The following KCTD7 variants were observed in gnomAD, a reference collection of about 807,000 sequenced individuals.
KCTD7 encodes the protein BTB/POZ domain-containing protein KCTD7.
A neutral mutation model predicts 27.0 loss-of-function variants in KCTD7; 15 were observed. The observed-to-expected ratio is 0.56, with a 90% CI of 0.37 to 0.86. The LOEUF (loss-of-function observed/expected upper bound fraction) is 0.86, where lower values mean the gene tolerates loss of function less well. Ranked by LOEUF, KCTD7 falls within the 40% of genes least tolerant of loss-of-function variation. KCTD7 has a pLI of 0.00. For missense variants in KCTD7, 299 were observed against 398.9 expected, an observed-to-expected ratio of 0.75 and a Z score of 2.13; for synonymous variants, 159 against 162.7, an observed-to-expected ratio of 0.98 and a Z score of 0.17.
At chr7:66,632,303 C>T (rs561730477) in intron 1 of KCTD7, among the ~76,000 whole-genome samples, 4 of 151,870 alleles carry the variant, frequency 2.6e-5, no homozygotes, top group Middle Eastern at 3.4e-3. Context: ...CTGGCTAACA[C>T]GGTGAAACCC....
At position 66,640,104 on chromosome 7, in the gene KCTD7, CT is replaced by C; in HGVS notation, c.*873del. The C allele has an allele frequency of 7.6e-7, 1 of 1,321,284 alleles. No homozygotes were observed. The highest frequency in any genetic ancestry group is 9.6e-7 in the Non-Finnish European group (1 of 1,041,708). 81.8% of individuals were successfully genotyped at this position (1,321,284 alleles called of 1,614,324 possible). A position where few individuals can be genotyped will look rare whatever the true frequency, so the allele number is the denominator to read the frequency against. ...GAGGCTCAGAACACCTCCTTGGCTGCTATCTCATGTGTTAGAATCCAGTTTG... is the reference window on the plus strand; with the variant it reads ...GAGGCTCAGAACACCTCCTTGGCTGCATCTCATGTGTTAGAATCCAGTTTG... On this transcript the variant is annotated 3_prime_UTR_variant, in exon 4 of 4. Transcript: ENST00000639828.
chr7:66,631,113 C>CAGG (rs1786431943), intron 1 of KCTD7, among the ~76,000 whole-genome samples: 1 of 152,142 alleles, frequency 6.6e-6, no homozygotes, highest in Admixed American at 6.5e-5. Flanking sequence ...AACTACCTGT[C>CAGG]TATTTCTTTC....
intron 1 of KCTD7, 140 bp downstream of exon 1, chr7:66,629,348 C>G: frequency 1.8e-6 from 1 of 567,588 alleles, no homozygotes; most frequent in Non-Finnish European, 2.5e-6. Flanking sequence ...CCCCCGCCCA[C>G]CTGCAACTCC....
At chr7:66,630,247 T>C (rs916929658) in intron 1 of KCTD7, among the ~76,000 whole-genome samples, 1 of 151,958 alleles carries the variant, frequency 6.6e-6, no homozygotes, top group Non-Finnish European at 1.5e-5. Context: ...AGCCTGGGTG[T>C]GATAGAGTAA....
rs751859536 is a variant in KCTD7 at position 66,639,965 on chromosome 7, A to G, written c.*733A>G. ...CACCACCTTCCTTGCTTGCAGGGTT[A>G]TCTTCTCACAGGGCTGGAATGCAAA... On this transcript the variant is annotated 3_prime_UTR_variant, in exon 4 of 4. Coordinates refer to ENST00000639828, the MANE Select transcript of KCTD7 (RefSeq NM_153033.5). 3 of 1,250,566 alleles carry G rather than the reference A, an allele frequency of 2.4e-6. No individual in the cohort carries two copies. The highest frequency in any genetic ancestry group is 3.0e-6 in the Non-Finnish European group (3 of 999,886). 77.5% of individuals were successfully genotyped at this position (1,250,566 alleles called of 1,614,324 possible).
At position 66,639,632 on chromosome 7, in the gene KCTD7, A is replaced by G. The variant is rs1408631907; in HGVS notation, c.*400A>G. On this transcript the variant is annotated 3_prime_UTR_variant, in exon 4 of 4. Transcript: ENST00000639828. ...CTAATCACTTCCTCAACCCTGTTCA[A>G]GCGTCCCTCCCTTGTGCTCAGTATA... is the stretch of plus-strand genomic sequence containing the variant. The G allele has an allele frequency of 7.5e-7, 1 of 1,339,696 alleles. No homozygotes were observed. The allele number at this position is 1,339,696 out of a possible 1,614,324, so 83.0% of individuals were successfully genotyped here. A position where few individuals can be genotyped will look rare whatever the true frequency, so the allele number is the denominator to read the frequency against.
intron 2 of KCTD7, among the ~76,000 whole-genome samples, chr7:66,634,220 A>G (rs1007465778): frequency 6.7e-6 from 1 of 149,640 alleles, no homozygotes; most frequent in Non-Finnish European, 1.5e-5. Flanking sequence ...CTATCTATCT[A>G]TCTATCTATA....
Position 66,642,257 on chromosome 7 carries a change from A to G in KCTD7, c.*3025A>G. ...AATGGAAGGAATCATCACCTTCCTT[A>G]TTTTACCTCTGCCTTGTTCACCAGG... On this transcript the variant is annotated 3_prime_UTR_variant, in exon 4 of 4. Transcript: ENST00000639828. 1.0e-6 allele frequency: 1 copy of G among 985,378 alleles called. No individual in the cohort carries two copies. Among genetic ancestry groups the G allele is most frequent in the Non-Finnish European group, 1.2e-6 (1 of 829,880 alleles). 61.0% of individuals were successfully genotyped at this position (985,378 alleles called of 1,614,324 possible).
At position 66,639,063 on chromosome 7, in the gene KCTD7, C is replaced by T; in HGVS notation, c.701C>T (p.Pro234Leu). The part of the protein sequence containing the change: ...HHCEVDVSFG[P>L]WEAVADVYDL... Reference sequence around the variant, plus strand: ...TGTGAAGTGGATGTGTCTTTTGGGCCCTGGGAGGCTGTGGCTGATGTTTAT... The same window carrying T: ...TGTGAAGTGGATGTGTCTTTTGGGCTCTGGGAGGCTGTGGCTGATGTTTAT... Residue 234 changes from proline (P) to leucine (L), a missense_variant, in exon 4 of 4, where the codon CCC becomes CTC. Coordinates refer to ENST00000639828, the MANE Select transcript of KCTD7 (RefSeq NM_153033.5). The T allele has an allele frequency of 6.2e-7, 1 of 1,614,036 alleles. No individual in the cohort carries two copies. The highest frequency in any genetic ancestry group is 8.5e-7 in the Non-Finnish European group (1 of 1,179,996).
chr7:66,639,769 A>G lies in KCTD7; in HGVS notation c.*537A>G. On this transcript the variant is annotated 3_prime_UTR_variant, in exon 4 of 4. Transcript: ENST00000639828. ...CCACTGCACCCCTTCTCCTCCAAGA[A>G]TAGTTGCCCACATTCCCAAAATGTG... 8.0e-7 allele frequency: 1 copy of G among 1,250,754 alleles called. No individual in the cohort carries two copies. The highest frequency in any genetic ancestry group is 1.0e-6 in the Non-Finnish European group (1 of 998,762). The allele number at this position is 1,250,754 out of a possible 1,614,324, so 77.5% of individuals were successfully genotyped here.
rs961998899 is a variant in KCTD7 at position 66,639,799 on chromosome 7, G to C, written c.*567G>C. 8.0e-7 allele frequency: 1 copy of C among 1,250,082 alleles called. No homozygotes were observed. Among genetic ancestry groups the C allele is most frequent in the East Asian group, 3.0e-5 (1 of 33,028 alleles). The allele number at this position is 1,250,082 out of a possible 1,614,324, so 77.4% of individuals were successfully genotyped here. On this transcript the variant is annotated 3_prime_UTR_variant, in exon 4 of 4. Transcript: ENST00000639828. ...TGCCCACATTCCCAAAATGTGGAAAGACTTTTCTTTTCCTTCCGGAACATG... is the reference window on the plus strand; with the variant it reads ...TGCCCACATTCCCAAAATGTGGAAACACTTTTCTTTTCCTTCCGGAACATG...
At chr7:66,629,270 G>C (rs1167406451) in intron 1 of KCTD7, 62 bp downstream of exon 1, 1 of 1,151,500 alleles carries the variant, frequency 8.7e-7, no homozygotes, top group Non-Finnish European at 1.1e-6. Flanking sequence ...AGCGGGCGCG[G>C]GGCATAGCGG....
rs867326497 is a variant in KCTD7 at position 66,642,315 on chromosome 7, G to C, written c.*3083G>C. On this transcript the variant is annotated 3_prime_UTR_variant, in exon 4 of 4. Coordinates refer to ENST00000639828, the MANE Select transcript of KCTD7 (RefSeq NM_153033.5). ...GTGCTTACCATGCAGAAAGCAGTCA[G>C]CTGTACTCTGGAAGTTTCTGTTCTT... 1.4e-4 allele frequency: 140 copies of C among 985,460 alleles called. No homozygotes were observed. The African/African-American group carries it at 2.2e-3, about 16-fold the overall frequency. 61.0% of individuals were successfully genotyped at this position (985,460 alleles called of 1,614,324 possible).
chr7:66,639,894 A>T lies in KCTD7; in HGVS notation c.*662A>T. On this transcript the variant is annotated 3_prime_UTR_variant, in exon 4 of 4. Coordinates refer to ENST00000639828, the MANE Select transcript of KCTD7 (RefSeq NM_153033.5). ...TGCACCCAGTTGGCCTTAGAAAACC[A>T]CAATGTTTACAGCCCTGTCTTAGGG... 1 of 1,245,478 alleles carries T rather than the reference A, an allele frequency of 8.0e-7. No individual in the cohort carries two copies. The allele number at this position is 1,245,478 out of a possible 1,614,324, so 77.2% of individuals were successfully genotyped here.
chr7:66,636,596 T>G (rs1404396218), intron 2 of KCTD7, among the ~76,000 whole-genome samples: 2 of 151,790 alleles, frequency 1.3e-5, no homozygotes, highest in Non-Finnish European at 2.9e-5. Flanking sequence ...GTACGGGTGA[T>G]GTATCTGATT....
chr7:66,638,856 A>G lies in KCTD7; in HGVS notation c.494A>G (p.Asp165Gly), dbSNP rs747689300. 2 of 1,613,872 alleles carry G rather than the reference A, an allele frequency of 1.2e-6. No homozygotes were observed. Among genetic ancestry groups the G allele is most frequent in the Non-Finnish European group, 1.7e-6 (2 of 1,179,996 alleles). The change falls in exon 4 of 4, where the codon GAC becomes GGC. Residue 165 changes from aspartate to glycine, a missense_variant and splice_region_variant. Transcript: ENST00000639828. ...AFLGLMPYYK[D>G]HLERIVEIAR... ...ATAGGTGTTGTGTTCATCCTTATAG[A>G]CCACTTGGAGCGGATTGTGGAGATC...
chr7:66,634,962 G>C (rs1584397175), intron 2 of KCTD7, among the ~76,000 whole-genome samples: 1 of 151,468 alleles, frequency 6.6e-6, no homozygotes, highest in African/African-American at 2.4e-5. Context: ...TCTGCAGTGA[G>C]CCATGATCCT....
At chr7:66,630,012 C>T (rs1385332792) in intron 1 of KCTD7, among the ~76,000 whole-genome samples, 1 of 152,172 alleles carries the variant, frequency 6.6e-6, no homozygotes, top group African/African-American at 2.4e-5. Flanking sequence ...TGGCTCACAT[C>T]TGTAATCTCA....
chr7:66,629,388 C>A (rs575504075), intron 1 of KCTD7, among the ~76,000 whole-genome samples, 180 bp downstream of exon 1: 13 of 133,510 alleles, frequency 9.7e-5, no homozygotes, highest in African/African-American at 3.4e-4. Context: ...ACCCACCCAC[C>A]TTCAACCCCT....
Sources: allele counts gnomAD v4.1 joint callset (sites outside exome capture counted in the v4.1 genomes callset), GRCh38; gene constraint gnomAD v4.1.1; transcripts MANE v1.5; gene names NCBI Gene and HGNC (gene_info 2026-07-23, HGNC 2026-07-21).